Variants in PCDHA3 observed in about 807,000 individuals in gnomAD.
PCDHA3 encodes protocadherin alpha 3.
PCDHA3 carries 41 observed loss-of-function variants against 62.2 expected under a neutral mutation model. The observed-to-expected ratio is 0.66, with a 90% CI of 0.51 to 0.86. The LOEUF is 0.86. PCDHA3 is among the 40% of genes least tolerant of loss of function. PCDHA3 has a pLI of 0.00. For missense variants in PCDHA3, 1,304 were observed against 1,241.2 expected (o/e 1.05, Z -0.76); for synonymous variants, 640 against 555.4 (o/e 1.15, Z -2.14).
intron 1 of PCDHA3, among the ~76,000 whole-genome samples, chr5:140,944,025 A>C (rs981840753): frequency 6.6e-6 from 1 of 152,236 alleles, no homozygotes; most frequent in Admixed American, 6.5e-5. Flanking sequence ...AATTATCTTC[A>C]AAATATGGAA....
chr5:140,875,381 A>G, intron 1 of PCDHA3: 7 of 1,461,296 alleles, frequency 4.8e-6, no homozygotes, highest in Non-Finnish European at 6.3e-6. Flanking sequence ...CTAAATATGT[A>G]CTTACAGAAA....
chr5:140,945,927 G>A (rs1036727708), intron 1 of PCDHA3, among the ~76,000 whole-genome samples: 1 of 152,038 alleles, frequency 6.6e-6, no homozygotes, highest in East Asian at 1.9e-4. Flanking sequence ...ACTGATCTGA[G>A]CAATGATGTT....
intron 1 of PCDHA3, among the ~76,000 whole-genome samples, chr5:140,888,357 G>C (rs2061799918): frequency 6.6e-6 from 1 of 152,138 alleles, no homozygotes; most frequent in Non-Finnish European, 1.5e-5. Flanking sequence ...ATTGCTACTG[G>C]CATCTAATAA....
At chr5:140,877,526 G>T (rs1554169807) in intron 1 of PCDHA3, 2 of 1,613,676 alleles carry the variant, frequency 1.2e-6, no homozygotes, top group African/African-American at 2.7e-5. Context: ...GCCTCAGTGG[G>T]CGCTGTGGAT....
rs2044015236 is a variant in PCDHA3, at chr5:140,856,467, C to T, written c.2394+52876C>T. On this transcript the variant is annotated intron_variant, in intron 1 of 3. Coordinates refer to ENST00000522353, the MANE Select transcript of PCDHA3 (RefSeq NM_018906.3). ...TTCTCCGTAACAGAACAAAAGCTCTCAATACCTGAATCCAGACTGCTTGAC... is the reference window on the plus strand; with the variant it reads ...TTCTCCGTAACAGAACAAAAGCTCTTAATACCTGAATCCAGACTGCTTGAC... 5 of 1,598,208 alleles carry T rather than the reference C, an allele frequency of 3.1e-6. 1 individual carries two copies. Among genetic ancestry groups the T allele is most frequent in the Non-Finnish European group, 4.3e-6 (5 of 1,167,910 alleles).
At chr5:140,823,536 C>A (rs2150126761) in intron 1 of PCDHA3, 1 of 1,613,790 alleles carries the variant, frequency 6.2e-7, no homozygotes, top group South Asian at 1.1e-5. Flanking sequence ...TGGGTGCGGG[C>A]CACGTGGTGG....
chr5:140,836,884 T>C (rs1387111400), intron 1 of PCDHA3: 2 of 642,656 alleles, frequency 3.1e-6, no homozygotes, highest in African/African-American at 3.7e-5. Context: ...TTGCACTAAT[T>C]ATTTGGAAGT....
intron 1 of PCDHA3, chr5:140,812,217 A>AT (rs1435188779): frequency 6.6e-6 from 1 of 151,494 alleles, no homozygotes; most frequent in Non-Finnish European, 1.5e-5. Context: ...CTTTGTTTAG[A>AT]TTTTTTATGA....
intron 1 of PCDHA3, among the ~76,000 whole-genome samples, chr5:140,941,255 CTCTT>C (rs1554214207): frequency 2.2e-4 from 10 of 44,514 alleles, no homozygotes; most frequent in East Asian, 7.5e-4. Flanking sequence ...TTCTTTCTTT[CTCTT>C]TCTTTCTTTC....
chr5:140,834,303 G>A (rs797039275), intron 1 of PCDHA3: 4 of 1,308,316 alleles, frequency 3.1e-6, no homozygotes, highest in Admixed American at 2.2e-5. Context: ...CACACATCGA[G>A]ATTGAAATGA....
chr5:140,995,956 G>A (rs1480673532), intron 3 of PCDHA3, among the ~76,000 whole-genome samples: 1 of 152,214 alleles, frequency 6.6e-6, no homozygotes, highest in African/African-American at 2.4e-5. Flanking sequence ...CACGCAAAAT[G>A]CTTAGAACCA....
intron 1 of PCDHA3, among the ~76,000 whole-genome samples, chr5:140,898,963 G>A (rs1411271866): frequency 6.6e-6 from 1 of 152,070 alleles, no homozygotes; most frequent in Non-Finnish European, 1.5e-5. Context: ...TTGTGAATGG[G>A]AGTTCACTCA....
intron 1 of PCDHA3, chr5:140,927,491 T>G (rs2084266726): frequency 1.2e-6 from 2 of 1,614,118 alleles, no homozygotes; most frequent in Non-Finnish European, 1.7e-6. Flanking sequence ...GCCACCCACC[T>G]GCTGGTGCTT....
Position 140,801,607 on chromosome 5 carries a change from T to TA in PCDHA3, c.413dup (p.Asn139GlufsTer35), listed in dbSNP as rs782532041. The stretch of plus-strand genomic sequence containing the variant: ...AACGCGCCAGTTTTTCCAATGGCTG[T>TA]AAAGAATCTGTTTATTTCCGAATCC... On this transcript the variant is annotated frameshift_variant, in exon 1 of 4. Coordinates refer to ENST00000522353, the MANE Select transcript of PCDHA3 (RefSeq NM_018906.3). LOFTEE classifies it high-confidence loss of function. 4 of 1,614,194 alleles carry TA rather than the reference T, an allele frequency of 2.5e-6. No individual in the cohort carries two copies. Among genetic ancestry groups the TA allele is most frequent in the African/African-American group, 1.3e-5 (1 of 75,046 alleles).
At chr5:140,944,053 A>G (rs246065) in intron 1 of PCDHA3, among the ~76,000 whole-genome samples, 85,768 of 152,016 alleles carry the variant, frequency 0.56, 24,809 homozygotes, top group African/African-American at 0.69. Context: ...TTGGGATACA[A>G]AAAGGTTTCT....
intron 1 of PCDHA3, chr5:140,928,055 C>T (rs1554205406): frequency 8.1e-6 from 13 of 1,614,066 alleles, no homozygotes; most frequent in South Asian, 3.3e-5. Context: ...TTTCAGCTGA[C>T]GGCTTCCTTT....
chr5:140,888,441 A>G (rs2061829051), intron 1 of PCDHA3, among the ~76,000 whole-genome samples: 1 of 152,222 alleles, frequency 6.6e-6, no homozygotes, highest in African/African-American at 2.4e-5. Context: ...CAGCCGCCCA[A>G]CAATAAAGAA....
At chr5:140,873,265 T>A (rs2054186823) in intron 1 of PCDHA3, among the ~76,000 whole-genome samples, 1 of 152,228 alleles carries the variant, frequency 6.6e-6, no homozygotes, top group South Asian at 2.1e-4. Context: ...CAAAAGTGAT[T>A]AAACCATCAT....
At chr5:140,837,029 A>G (rs1774885010) in intron 1 of PCDHA3, 1 of 233,596 alleles carries the variant, frequency 4.3e-6, no homozygotes, top group Admixed American at 5.1e-5. Context: ...TCTATAGTGT[A>G]TTTACAAAAT....
Sources: allele counts gnomAD v4.1 joint callset (sites outside exome capture counted in the v4.1 genomes callset), GRCh38; gene constraint gnomAD v4.1.1; transcripts MANE v1.5; gene names NCBI Gene and HGNC (gene_info 2026-07-23, HGNC 2026-07-21).